The following FMN2 variants were observed in gnomAD, a reference collection of about 807,000 sequenced individuals.
The protein encoded by FMN2 is formin-2.
A neutral mutation model predicts 142.3 loss-of-function variants in FMN2; 51 were observed. The observed-to-expected ratio is 0.36, with a 90% confidence interval of 0.29 to 0.45. The LOEUF (loss-of-function observed/expected upper bound fraction) is 0.45, where lower values mean the gene tolerates loss of function less well. Ranked by LOEUF, FMN2 falls within the 20% of genes least tolerant of loss-of-function variation. The pLI is 1.00. For missense variants in FMN2, 1,936 were observed against 2,122.8 expected, an observed-to-expected ratio of 0.91 and a Z score of 1.73; for synonymous variants, 882 against 869.8, an observed-to-expected ratio of 1.01 and a Z score of -0.25.
At chr1:240,395,258 C>A (rs1263338683) in intron 15 of FMN2, among the ~76,000 whole-genome samples, 1 of 152,226 alleles carries the variant, frequency 6.6e-6, no homozygotes, top group Non-Finnish European at 1.5e-5. Context: ...CAAAATATCA[C>A]ATCTCATGGA....
At chr1:240,173,001 T>TC (rs1664770553) in intron 2 of FMN2, among the ~76,000 whole-genome samples, 1 of 152,130 alleles carries the variant, frequency 6.6e-6, no homozygotes, top group East Asian at 1.9e-4. Flanking sequence ...AGTGGCCTGA[T>TC]CTTGGCTCAC....
chr1:240,166,460 C>A (rs1288400190), intron 2 of FMN2, among the ~76,000 whole-genome samples: 2 of 152,054 alleles, frequency 1.3e-5, no homozygotes, highest in Non-Finnish European at 2.9e-5. Context: ...CAACTTCTGA[C>A]CTCAGGCGAT....
chr1:240,274,654 G>GGTA (rs147114675), intron 7 of FMN2, among the ~76,000 whole-genome samples: 1,554 of 152,186 alleles, frequency 0.01, 26 homozygotes, highest in African/African-American at 0.036. Flanking sequence ...GAAGAAGGGA[G>GGTA]GTAGGCAAGA....
Position 240,257,978 on chromosome 1 carries a change from G to A in FMN2, c.4099G>A (p.Ala1367Thr). 6.2e-7 allele frequency: 1 copy of A among 1,612,700 alleles called. No homozygotes were observed. The highest frequency in any genetic ancestry group is 1.1e-5 in the South Asian group (1 of 90,670). ...VKLLSNKRSQ[A>T]VGILMSSLHL... ...GTTATTAAGCAACAAAAGATCACAA[G>A]CAGTTGGAATACTAATGTCTAGCCT... The change falls in exon 7 of 18, where the codon GCA becomes ACA. Residue 1367 changes from alanine to threonine, a missense_variant. By Grantham distance (58) the Ala-to-Thr change is moderately conservative. Transcript: ENST00000319653.
intron 6 of FMN2, among the ~76,000 whole-genome samples, chr1:240,216,801 T>C (rs1398492682): frequency 6.6e-6 from 1 of 152,010 alleles, no homozygotes; most frequent in Admixed American, 6.6e-5. Flanking sequence ...ACAAAAAAAT[T>C]AGCCGGGAGT....
At chr1:240,355,499 C>G (rs780290012) in intron 13 of FMN2, among the ~76,000 whole-genome samples, 1 of 152,162 alleles carries the variant, frequency 6.6e-6, no homozygotes, top group African/African-American at 2.4e-5. Flanking sequence ...CACAGTGAGG[C>G]AGGCTCTGCT....
intron 2 of FMN2, among the ~76,000 whole-genome samples, chr1:240,177,611 G>C (rs113459465): frequency 5.6e-4 from 86 of 152,214 alleles, no homozygotes; most frequent in African/African-American, 2.0e-3. Flanking sequence ...CTGATTGACT[G>C]TCTGGACTAT....
At chr1:240,122,969 A>G (rs1435209221) in intron 1 of FMN2, among the ~76,000 whole-genome samples, 4 of 152,186 alleles carry the variant, frequency 2.6e-5, no homozygotes, top group Non-Finnish European at 5.9e-5. Flanking sequence ...GGGGGATGAG[A>G]GAGCAAACCA....
At chr1:240,303,786 A>G (rs1670284816) in intron 8 of FMN2, among the ~76,000 whole-genome samples, 1 of 152,018 alleles carries the variant, frequency 6.6e-6, no homozygotes, top group African/African-American at 2.4e-5. Context: ...TAGGACTTCC[A>G]TAATGCATAT....
intron 7 of FMN2, among the ~76,000 whole-genome samples, chr1:240,284,734 A>G (rs10926196): frequency 0.21 from 31,773 of 152,050 alleles, 3,654 homozygotes; most frequent in Admixed American, 0.35. Flanking sequence ...CAAATTTTTA[A>G]GGACCTTTTC....
intron 1 of FMN2, among the ~76,000 whole-genome samples, chr1:240,114,484 G>T (rs1661941451): frequency 6.6e-6 from 1 of 152,068 alleles, no homozygotes; most frequent in African/African-American, 2.4e-5. Context: ...TTTCTCAGTT[G>T]TCCTGAAGCT....
At chr1:240,335,108 A>G (rs1029753191) in intron 13 of FMN2, among the ~76,000 whole-genome samples, 4 of 152,190 alleles carry the variant, frequency 2.6e-5, no homozygotes, top group African/African-American at 9.7e-5. Flanking sequence ...GGTGTTTTAA[A>G]ATGGATTTCA....
chr1:240,356,257 A>G (rs1672270069), intron 14 of FMN2, among the ~76,000 whole-genome samples: 1 of 152,152 alleles, frequency 6.6e-6, no homozygotes, highest in Non-Finnish European at 1.5e-5. Flanking sequence ...ATTATTTTAC[A>G]TTTTAATTGT....
intron 4 of FMN2, among the ~76,000 whole-genome samples, chr1:240,197,271 G>A (rs6680751): frequency 0.26 from 38,988 of 152,020 alleles, 5,432 homozygotes; most frequent in Middle Eastern, 0.36. Flanking sequence ...TGGTTTTCCC[G>A]GAGGGTGGTG....
chr1:240,236,548 C>T (rs150470442), intron 6 of FMN2, among the ~76,000 whole-genome samples: 78 of 152,308 alleles, frequency 5.1e-4, no homozygotes, highest in African/African-American at 1.8e-3. Flanking sequence ...GCAAGGCACC[C>T]ACATCTGCTC....
chr1:240,381,169 A>G (rs1246428430), intron 14 of FMN2, among the ~76,000 whole-genome samples: 2 of 152,186 alleles, frequency 1.3e-5, no homozygotes, highest in Non-Finnish European at 2.9e-5. Context: ...TGAAAACAGT[A>G]TGACCCTGGT....
chr1:240,184,833 C>G (rs1023842555), intron 3 of FMN2, among the ~76,000 whole-genome samples: 4 of 151,886 alleles, frequency 2.6e-5, no homozygotes, highest in African/African-American at 7.3e-5. Context: ...ATCTCAGATT[C>G]ACCTATCTAG....
chr1:240,223,871 CTCTTT>C (rs1464541975), intron 6 of FMN2, among the ~76,000 whole-genome samples: 13 of 147,078 alleles, frequency 8.8e-5, no homozygotes, highest in African/African-American at 3.2e-4. Flanking sequence ...TGTTTCTTAT[CTCTTT>C]TCTTCTTTAT....
At chr1:240,120,372 C>T (rs1662185564) in intron 1 of FMN2, among the ~76,000 whole-genome samples, 1 of 152,248 alleles carries the variant, frequency 6.6e-6, no homozygotes, top group Non-Finnish European at 1.5e-5. Flanking sequence ...AGAGACCTTA[C>T]GTGTGGCTCA....
Sources: allele counts gnomAD v4.1 joint callset (sites outside exome capture counted in the v4.1 genomes callset), GRCh38; gene constraint gnomAD v4.1.1; transcripts MANE v1.5; gene names NCBI Gene and HGNC (gene_info 2026-07-23, HGNC 2026-07-21).